TLE1: variants seen among roughly 807,000 people sequenced by gnomAD.
The protein encoded by TLE1 is TLE family member 1, transcriptional corepressor, also known as transducin-like enhancer protein 1.
TLE1 carries 21 observed loss-of-function variants against 89.8 expected under a neutral mutation model. The observed-to-expected ratio is 0.23, with a 90% confidence interval of 0.17 to 0.34. TLE1 has a LOEUF of 0.34. Among genes scored for constraint, TLE1 ranks in the 10% least tolerant of loss-of-function variants. The pLI is 1.00. For synonymous variants in TLE1, 447 were observed against 407.6 expected (o/e 1.10, Z -1.16); for missense variants, 795 against 1,031.2 (o/e 0.77, Z 3.14).
Position 81,678,507 on chromosome 9 carries a change from A to C in TLE1, c.234+7169T>G, listed in dbSNP as rs745485420. ...GCATGAGCCACATGCCTGGCTTGCAACTTAGTAATTATTAAAAATTTAGGG... is the reference window on the plus strand; with the variant it reads ...GCATGAGCCACATGCCTGGCTTGCACCTTAGTAATTATTAAAAATTTAGGG... On this transcript the variant is annotated intron_variant, in intron 4 of 19. Coordinates refer to ENST00000376499, the MANE Select transcript of TLE1 (RefSeq NM_005077.5). Among the ~76,000 whole-genome samples the C allele has an allele frequency of 3.3e-5, 5 of 152,282 alleles. 1 individual carries two copies. In the Middle Eastern group the frequency reaches 0.014, roughly 414 times the overall value.
rs750443388 is a variant in TLE1 at position 81,688,283 on chromosome 9, T to C, written c.-43A>G. 2.6e-6 allele frequency: 4 copies of C among 1,530,002 alleles called. No individual in the cohort carries two copies. The highest frequency in any genetic ancestry group is 3.5e-6 in the Non-Finnish European group (4 of 1,143,590). The allele number at this position is 1,530,002 out of a possible 1,614,324, so 94.8% of individuals were successfully genotyped here. ...GGGCTCTGTTCCCCGGCAACTCAAT[T>C]CTCCGGTCAATTTCCAACTTTAATC... is the stretch of plus-strand genomic sequence containing the variant. On this transcript the variant is annotated 5_prime_UTR_variant, in exon 1 of 20. Transcript: ENST00000376499.
intron 6 of TLE1, among the ~76,000 whole-genome samples, chr9:81,647,561 A>G (rs1349790964): frequency 6.6e-6 from 1 of 152,168 alleles, no homozygotes; most frequent in Admixed American, 6.5e-5. Flanking sequence ...GCTTGGCACA[A>G]CCACCACCAA....
chr9:81,670,042 G>GT (rs1832016813), intron 4 of TLE1, among the ~76,000 whole-genome samples: 1 of 152,084 alleles, frequency 6.6e-6, no homozygotes, highest in Non-Finnish European at 1.5e-5. Flanking sequence ...GTTCCAACTC[G>GT]TGTCTCCATG....
intron 4 of TLE1, among the ~76,000 whole-genome samples, chr9:81,655,075 G>T (rs1367017902): frequency 6.6e-6 from 1 of 151,978 alleles, no homozygotes; most frequent in African/African-American, 2.4e-5. Flanking sequence ...TTTTAAAGAA[G>T]GCAGGAAAGG....
intron 6 of TLE1, among the ~76,000 whole-genome samples, chr9:81,639,303 C>T (rs1827791744): frequency 1.3e-5 from 2 of 151,972 alleles, no homozygotes; most frequent in Non-Finnish European, 2.9e-5. Flanking sequence ...TGGCTTCAAG[C>T]AATCCTCCTG....
intron 9 of TLE1, among the ~76,000 whole-genome samples, chr9:81,619,568 C>A (rs981957987): frequency 6.6e-6 from 1 of 152,198 alleles, no homozygotes; most frequent in African/African-American, 2.4e-5. Context: ...TAGACCTCCA[C>A]ATAGCCTGCA....
chr9:81,666,238 G>A lies in TLE1; in HGVS notation c.235-12202C>T, dbSNP rs887268726. ...AGAAAGAAATCTTTCTCCAAACTCC[G>A]CAGAGTGAATCACAGATCATCACCG... On this transcript the variant is annotated intron_variant, in intron 4 of 19. Coordinates refer to ENST00000376499, the MANE Select transcript of TLE1 (RefSeq NM_005077.5). 5.9e-5 allele frequency among the ~76,000 whole-genome samples: 9 copies of A among 152,148 alleles called. No individual in the cohort carries two copies. The South Asian group carries it at 8.3e-4, about 14-fold the overall frequency.
intron 4 of TLE1, among the ~76,000 whole-genome samples, chr9:81,676,231 T>C (rs1416662965): frequency 1.3e-5 from 2 of 152,070 alleles, no homozygotes; most frequent in Non-Finnish European, 2.9e-5. Flanking sequence ...CAAAACACAA[T>C]ATAATCAATG....
Position 81,689,181 on chromosome 9 carries a change from C to T in TLE1, c.-941G>A, listed in dbSNP as rs928567245. On this transcript the variant is annotated 5_prime_UTR_variant, in exon 1 of 20. Transcript: ENST00000376499. ...TTCCTTCCTTCACCTTCGTGTGCTTCTCCGCAAAGGGCGCTCCAGCCCACT... is the reference window on the plus strand; with the variant it reads ...TTCCTTCCTTCACCTTCGTGTGCTTTTCCGCAAAGGGCGCTCCAGCCCACT... 2 of 152,314 alleles carry T rather than the reference C, an allele frequency of 1.3e-5. No homozygotes were observed. Among genetic ancestry groups the T allele is most frequent in the African/African-American group, 4.8e-5 (2 of 41,472 alleles). 9.4% of individuals were successfully genotyped at this position (152,314 alleles called of 1,614,324 possible). A position where few individuals can be genotyped will look rare whatever the true frequency, so the allele number is the denominator to read the frequency against.
chr9:81,625,506 C>A (rs949120835), intron 8 of TLE1, among the ~76,000 whole-genome samples: 7 of 152,102 alleles, frequency 4.6e-5, no homozygotes, highest in Admixed American at 6.5e-5. Flanking sequence ...AGATAATTGG[C>A]GAAGTGTTTG....
At chr9:81,613,939 A>G (rs1824060902) in intron 11 of TLE1, among the ~76,000 whole-genome samples, 1 of 123,012 alleles carries the variant, frequency 8.1e-6, no homozygotes, top group African/African-American at 3.3e-5. Context: ...ATGGAGTCTC[A>G]CTCTGTCACC....
intron 9 of TLE1, 114 bp downstream of exon 9, chr9:81,620,327 T>C: frequency 1.2e-6 from 1 of 847,478 alleles, no homozygotes; most frequent in South Asian, 1.7e-5. Context: ...ACCTCTCCTC[T>C]TTACAGTATT....
intron 5 of TLE1, among the ~76,000 whole-genome samples, chr9:81,653,612 C>T (rs1829818292): frequency 6.6e-6 from 1 of 152,188 alleles, no homozygotes. Flanking sequence ...TAAAGTCTAC[C>T]TTGATGGAAC....
intron 4 of TLE1, among the ~76,000 whole-genome samples, chr9:81,667,489 T>C (rs1358038748): frequency 6.6e-6 from 1 of 152,090 alleles, no homozygotes; most frequent in African/African-American, 2.4e-5. Context: ...AGGAACTTTC[T>C]GCACATGGGC....
chr9:81,686,014 CTAGG>C (rs1834225415), intron 2 of TLE1, 118 bp from the exon 3 acceptor site: 1 of 1,012,750 alleles, frequency 9.9e-7, no homozygotes, highest in African/African-American at 1.6e-5. Context: ...CATAAACTAT[CTAGG>C]TAAACACCCA....
intron 14 of TLE1, among the ~76,000 whole-genome samples, chr9:81,594,207 C>A (rs1829915719): frequency 6.6e-6 from 1 of 152,226 alleles, no homozygotes. Context: ...GGTGCTCCTA[C>A]GGCCCCTCTG....
intron 7 of TLE1, 189 bp from the exon 8 acceptor site, chr9:81,633,553 C>T: frequency 1.4e-6 from 1 of 724,368 alleles, no homozygotes; most frequent in Non-Finnish European, 2.2e-6. Context: ...ATTTTGTAAA[C>T]ATAAGATTTA....
At chr9:81,599,924 A>G (rs13285672) in intron 14 of TLE1, 1 of 516,392 alleles carries the variant, frequency 1.9e-6, no homozygotes, top group African/African-American at 1.9e-5. Context: ...AAAGGCAAAT[A>G]CAAAACTTCT....
intron 8 of TLE1, among the ~76,000 whole-genome samples, chr9:81,632,502 ATT>A (rs1826799546): frequency 7.5e-6 from 1 of 133,634 alleles, no homozygotes; most frequent in Non-Finnish European, 1.6e-5. Context: ...TTTTTACCAT[ATT>A]AAACACAGTC....
Sources: allele counts gnomAD v4.1 joint callset (sites outside exome capture counted in the v4.1 genomes callset), GRCh38; gene constraint gnomAD v4.1.1; transcripts MANE v1.5; gene names NCBI Gene and HGNC (gene_info 2026-07-23, HGNC 2026-07-21).